USO1: variants seen among roughly 807,000 people sequenced by gnomAD.
The protein encoded by USO1 is USO1 vesicle transport factor.
USO1 carries 57 observed loss-of-function variants against 124.5 expected under a neutral mutation model. The observed-to-expected ratio is 0.46, with a 90% CI of 0.37 to 0.57. The LOEUF (loss-of-function observed/expected upper bound fraction) is 0.57. Among genes scored for constraint, USO1 ranks in the 20% least tolerant of loss-of-function variants. The pLI is 0.00. For missense variants in USO1, 900 were observed against 1,040.6 expected (o/e 0.86, Z 1.86); for synonymous variants, 369 against 362.8 (o/e 1.02, Z -0.19).
intron 3 of USO1, among the ~76,000 whole-genome samples, chr4:75,755,187 A>T (rs1055933952): frequency 6.6e-6 from 1 of 152,244 alleles, no homozygotes; most frequent in Non-Finnish European, 1.5e-5. Flanking sequence ...AGAGTCATGT[A>T]CTGGCAATCC....
intron 3 of USO1, 30 bp downstream of exon 3, chr4:75,752,634 T>G (rs1161916605): frequency 2.5e-6 from 1 of 398,372 alleles, no homozygotes; most frequent in African/African-American, 2.1e-5. Flanking sequence ...TTTTTTTCCC[T>G]AATTTTTCTT....
intron 10 of USO1, 85 bp downstream of exon 10, chr4:75,787,287 C>A: frequency 7.4e-7 from 1 of 1,350,400 alleles, no homozygotes. Flanking sequence ...GAAGGAAAAA[C>A]TACAATAGTT....
At chr4:75,777,136 A>G (rs568359876) in intron 8 of USO1, among the ~76,000 whole-genome samples, 29 of 152,182 alleles carry the variant, frequency 1.9e-4, no homozygotes, top group Non-Finnish European at 3.2e-4. Flanking sequence ...TTTAACAGCT[A>G]TATTTTTAGT....
At position 75,813,411 on chromosome 4, in the gene USO1, A is replaced by G. The variant is rs1723205933; in HGVS notation, c.*116A>G. ...AGAAACCAGGTGGAAAACATTCACT[A>G]TTAAGACTATTGATATATTTTTGTA... On this transcript the variant is annotated 3_prime_UTR_variant, in exon 24 of 24. Transcript: ENST00000514213. The G allele has an allele frequency of 1.1e-5, 12 of 1,119,842 alleles. No homozygotes were observed. In the South Asian group the frequency reaches 2.4e-4, roughly 22 times the overall value. The allele number at this position is 1,119,842 out of a possible 1,614,324, so 69.4% of individuals were successfully genotyped here. A position where few individuals can be genotyped will look rare whatever the true frequency, so the allele number is the denominator to read the frequency against.
intron 8 of USO1, among the ~76,000 whole-genome samples, chr4:75,776,918 A>G (rs561618930): frequency 1.2e-4 from 19 of 152,294 alleles, no homozygotes; most frequent in African/African-American, 4.1e-4. Flanking sequence ...ATAAAGGTGT[A>G]TATTTATGTA....
chr4:75,760,963 G>GC (rs1721590136), intron 4 of USO1, among the ~76,000 whole-genome samples: 2 of 152,060 alleles, frequency 1.3e-5, no homozygotes, highest in Admixed American at 6.6e-5. Context: ...CCTAGCCAGC[G>GC]TGGTGAAACC....
chr4:75,792,083 T>C (rs938730126), intron 12 of USO1, among the ~76,000 whole-genome samples: 8 of 152,136 alleles, frequency 5.3e-5, no homozygotes, highest in African/African-American at 1.4e-4. Context: ...AATAATCTAA[T>C]TGTACTCATT....
intron 9 of USO1, among the ~76,000 whole-genome samples, chr4:75,786,793 T>C (rs59092793): frequency 0.029 from 4,458 of 152,318 alleles, 210 homozygotes; most frequent in African/African-American, 0.1. Context: ...ACAAGTACTA[T>C]GCTTCTTTGG....
chr4:75,795,939 G>C (rs1354374987), intron 13 of USO1, among the ~76,000 whole-genome samples: 2 of 151,878 alleles, frequency 1.3e-5, no homozygotes, highest in African/African-American at 4.8e-5. Context: ...GTTTTGTTTT[G>C]TTTTGTTTTG....
chr4:75,784,781 T>A (rs1437336328), intron 9 of USO1, among the ~76,000 whole-genome samples: 2 of 150,540 alleles, frequency 1.3e-5, no homozygotes, highest in East Asian at 3.9e-4. Flanking sequence ...AGAGTGAGAC[T>A]CTATCTCAGG....
chr4:75,788,852 TA>T (rs1297866720), intron 10 of USO1, among the ~76,000 whole-genome samples: 1 of 151,858 alleles, frequency 6.6e-6, no homozygotes, highest in Non-Finnish European at 1.5e-5. Context: ...CTTAATTTTC[TA>T]AAAAAAAGAA....
At chr4:75,805,886 T>G (rs1301939781) in intron 19 of USO1, among the ~76,000 whole-genome samples, 2 of 152,182 alleles carry the variant, frequency 1.3e-5, no homozygotes, top group Non-Finnish European at 2.9e-5. Context: ...AATTTACTCT[T>G]CTAATAGATG....
At chr4:75,799,835 A>G in intron 14 of USO1, 103 bp downstream of exon 14, 1 of 1,359,128 alleles carries the variant, frequency 7.4e-7, no homozygotes, top group Admixed American at 2.4e-5. Context: ...TGAATTCTCC[A>G]CTATCTTATC....
At chr4:75,750,547 G>A (rs1560440120) in intron 1 of USO1, among the ~76,000 whole-genome samples, 1 of 151,944 alleles carries the variant, frequency 6.6e-6, no homozygotes, top group African/African-American at 2.4e-5. Flanking sequence ...GTAGTGGTGC[G>A]ATCTTAGCTC....
At chr4:75,743,997 G>T (rs1010800172) in intron 1 of USO1, among the ~76,000 whole-genome samples, 13 of 152,142 alleles carry the variant, frequency 8.5e-5, no homozygotes, top group African/African-American at 3.1e-4. Context: ...AGGATAGTCT[G>T]GATCTCCTGA....
At chr4:75,769,038 T>C (rs918743250) in intron 4 of USO1, among the ~76,000 whole-genome samples, 1 of 152,168 alleles carries the variant, frequency 6.6e-6, no homozygotes, top group African/African-American at 2.4e-5. Flanking sequence ...TCTAGTTCTT[T>C]AGGCCAAAAG....
chr4:75,733,302 A>G (rs1235303142), intron 1 of USO1, among the ~76,000 whole-genome samples: 1 of 152,180 alleles, frequency 6.6e-6, no homozygotes, highest in Admixed American at 6.5e-5. Flanking sequence ...TATTAGCTGC[A>G]TGACAAATAT....
intron 1 of USO1, among the ~76,000 whole-genome samples, chr4:75,748,660 A>G (rs1721205478): frequency 6.6e-6 from 1 of 152,190 alleles, no homozygotes; most frequent in African/African-American, 2.4e-5. Flanking sequence ...CAAGCCCTGC[A>G]TGGTACTGGG....
intron 17 of USO1, among the ~76,000 whole-genome samples, chr4:75,802,442 T>C (rs909329691): frequency 6.6e-6 from 1 of 152,222 alleles, no homozygotes; most frequent in African/African-American, 2.4e-5. Context: ...ACACAATTAC[T>C]CTAATGACTT....
Sources: gnomAD v4.1 joint callset for allele counts (sites outside exome capture counted in the v4.1 genomes callset) on GRCh38, gnomAD v4.1.1 for gene constraint, MANE v1.5 for transcripts, NCBI Gene and HGNC (gene_info 2026-07-23, HGNC 2026-07-21) for gene names.